Variants in SVEP1 observed in about 807,000 individuals in gnomAD.
SVEP1 encodes sushi, von Willebrand factor type A, EGF and pentraxin domain containing 1.
A neutral mutation model predicts 367.3 loss-of-function variants in SVEP1; 164 were observed. The observed-to-expected ratio is 0.45, with a 90% CI of 0.39 to 0.51. The LOEUF (loss-of-function observed/expected upper bound fraction) is 0.51. Among genes scored for constraint, SVEP1 ranks in the 20% least tolerant of loss-of-function variants. The pLI is 0.00. For missense variants in SVEP1, 4,117 were observed against 4,425.3 expected (o/e 0.93, Z 1.98); for synonymous variants, 1,666 against 1,611.6 (o/e 1.03, Z -0.81).
chr9:110,393,291 T>A (rs541961415), intron 40 of SVEP1, among the ~76,000 whole-genome samples: 1 of 152,322 alleles, frequency 6.6e-6, no homozygotes, highest in African/African-American at 2.4e-5. Flanking sequence ...AAAGAAGATA[T>A]ATATAAGCCT....
At position 110,408,056 on chromosome 9, in the gene SVEP1, T is replaced by C. The variant is rs1588038766; in HGVS notation, c.7544A>G (p.His2515Arg). 8 of 1,613,946 alleles carry C rather than the reference T, an allele frequency of 5.0e-6. No individual in the cohort carries two copies. Among genetic ancestry groups the C allele is most frequent in the Non-Finnish European group, 5.9e-6 (7 of 1,179,872 alleles). ...LNGKFSYTDL[H>R]YGQTVTYSCN... is the part of the protein sequence containing the mutation. ...AGAGTAGGTAACGGTCTGTCCATAG[T>C]GTAGGTCCGTGTAAGAGAATTTGCC... is the stretch of plus-strand genomic sequence containing the variant. The change falls in exon 38 of 48, where the codon CAC (histidine) becomes CGC (arginine). Residue 2515 changes from histidine (H) to arginine (R), a missense_variant. Transcript: ENST00000374469.
chr9:110,570,970 CTTTTTTTTTTT>C (rs374900472), intron 1 of SVEP1, among the ~76,000 whole-genome samples: 3 of 114,928 alleles, frequency 2.6e-5, no homozygotes, highest in Admixed American at 9.0e-5. Context: ...CAGATGGCTC[CTTTTTTTTTTT>C]TTTTTTTTTT....
chr9:110,429,884 A>T lies in SVEP1; in HGVS notation c.5615+36T>A, dbSNP rs376914031. On this transcript the variant is annotated intron_variant, in intron 34 of 47. Coordinates refer to ENST00000374469, the MANE Select transcript of SVEP1 (RefSeq NM_153366.4). ...ATATCACTACCAGTATGCCATCAAC[A>T]TCTTCTACAATATAGTTTTAATCTT... is the stretch of plus-strand genomic sequence containing the variant. The T allele has an allele frequency of 1.3e-4, 198 of 1,572,874 alleles. No homozygotes were observed. The Middle Eastern group carries it at 1.4e-3, about 11-fold the overall frequency.
intron 8 of SVEP1, among the ~76,000 whole-genome samples, chr9:110,492,582 G>C (rs1346773183): frequency 6.6e-6 from 1 of 151,868 alleles, no homozygotes; most frequent in Non-Finnish European, 1.5e-5. Flanking sequence ...TCGCCAGGAG[G>C]CTGACACAGC....
rs768412577 is a variant in SVEP1 at position 110,401,039 on chromosome 9, T to C, written c.9667-30A>G. 11 of 1,610,590 alleles carry C rather than the reference T, an allele frequency of 6.8e-6. No individual in the cohort carries two copies. In the South Asian group the frequency reaches 9.9e-5, roughly 15 times the overall value. On this transcript the variant is annotated intron_variant, in intron 39 of 47. Coordinates refer to ENST00000374469, the MANE Select transcript of SVEP1 (RefSeq NM_153366.4). ...GTGACAAATAACAAAATGTAAGTTA[T>C]GTTTAGAAGTTAATACATATGAATG...
rs1296666969 is a variant in SVEP1, at chr9:110,481,337, T to C, written c.2270A>G (p.Tyr757Cys). 6.2e-7 allele frequency: 1 copy of C among 1,611,608 alleles called. No homozygotes were observed. The highest frequency in any genetic ancestry group is 2.2e-5 in the East Asian group (1 of 44,820). Residue 757 changes from tyrosine (Y) to cysteine (C), a missense_variant, in exon 12 of 48, where the codon TAT becomes TGT. This residue lies in a region of SVEP1 where 2,174 missense variants were observed against 2,494.3 expected (regional missense o/e 0.87). Coordinates refer to ENST00000374469, the MANE Select transcript of SVEP1 (RefSeq NM_153366.4). ...GTCAGTAGACCCTTCTGTGAAATCA[T>C]AGCCCTCCAAGCAAGTTAATGTACA... ...VNCTLTCLEG[Y>C]DFTEGSTDKY...
At chr9:110,508,922 T>A (rs905556922) in intron 5 of SVEP1, among the ~76,000 whole-genome samples, 6 of 152,168 alleles carry the variant, frequency 3.9e-5, no homozygotes, top group African/African-American at 1.4e-4. Flanking sequence ...AACATGATAT[T>A]TGTAAAAGGC....
At chr9:110,528,849 A>G (rs1475165527) in intron 3 of SVEP1, among the ~76,000 whole-genome samples, 1 of 151,568 alleles carries the variant, frequency 6.6e-6, no homozygotes, top group Non-Finnish European at 1.5e-5. Flanking sequence ...TAAAATTTAA[A>G]TTACATTTAT....
At chr9:110,563,392 T>G (rs1830454217) in intron 1 of SVEP1, among the ~76,000 whole-genome samples, 2 of 151,218 alleles carry the variant, frequency 1.3e-5, no homozygotes, top group South Asian at 4.2e-4. Context: ...TTAATTTGTA[T>G]ATTATTTCCA....
chr9:110,461,753 T>C (rs1037141537), intron 18 of SVEP1, among the ~76,000 whole-genome samples: 2 of 152,204 alleles, frequency 1.3e-5, no homozygotes, highest in East Asian at 1.9e-4. Context: ...GAAAATATCA[T>C]AGATTTTTAT....
chr9:110,547,257 G>A (rs10817039), intron 2 of SVEP1, among the ~76,000 whole-genome samples: 17,223 of 152,220 alleles, frequency 0.11, 1,334 homozygotes, highest in East Asian at 0.33. Context: ...AGACTGTGGT[G>A]TGGGTAAAAG....
rs1170817668 is a variant in SVEP1, at chr9:110,411,546, G to T, written c.6165C>A (p.Asp2055Glu). ...YYCSDGYSLA[D>E]NSQLLCNAQG... ...GGGCATTGCAGAGAAGCTGGGAATT[G>T]TCTGCTAGGCTGTAACCATCAGAGC... Residue 2055 changes from aspartate (D) to glutamate (E), a missense_variant, in exon 37 of 48, where the codon GAC (aspartate) becomes GAA (glutamate). Asp to Glu is a conservative substitution (Grantham distance 45, BLOSUM62 2). This residue lies in a region of SVEP1 where 2,174 missense variants were observed against 2,494.3 expected (regional missense o/e 0.87). Coordinates refer to ENST00000374469, the MANE Select transcript of SVEP1 (RefSeq NM_153366.4). 3 of 1,613,912 alleles carry T rather than the reference G, an allele frequency of 1.9e-6. No individual in the cohort carries two copies. Among genetic ancestry groups the T allele is most frequent in the African/African-American group, 2.7e-5 (2 of 74,944 alleles).
rs1827192441 is a variant in SVEP1 at position 110,365,962 on chromosome 9, A to G, written c.*577T>C. Reference sequence around the variant, plus strand: ...GTACCAGGACATAATTATGTGGTGGAGAGTACCAGGTCCAACAGTTACTCT... The same window carrying G: ...GTACCAGGACATAATTATGTGGTGGGGAGTACCAGGTCCAACAGTTACTCT... On this transcript the variant is annotated 3_prime_UTR_variant, in exon 48 of 48. Coordinates refer to ENST00000374469, the MANE Select transcript of SVEP1 (RefSeq NM_153366.4). 2 of 152,232 alleles carry G rather than the reference A, an allele frequency of 1.3e-5. No individual in the cohort carries two copies. The highest frequency in any genetic ancestry group is 1.5e-5 in the Non-Finnish European group (1 of 68,052). 9.4% of individuals were successfully genotyped at this position (152,232 alleles called of 1,614,324 possible). A position where few individuals can be genotyped will look rare whatever the true frequency, so the allele number is the denominator to read the frequency against.
intron 20 of SVEP1, 95 bp from the exon 21 acceptor site, chr9:110,457,447 C>A: frequency 3.2e-6 from 3 of 925,370 alleles, no homozygotes; most frequent in Non-Finnish European, 3.3e-6. Context: ...TTAGACAGCT[C>A]GTTCCTCCTG....
chr9:110,411,822 C>T, intron 36 of SVEP1, 87 bp from the exon 37 acceptor site: 2 of 1,212,246 alleles, frequency 1.6e-6, no homozygotes, highest in Admixed American at 3.2e-5. Flanking sequence ...TAAATCTTTC[C>T]CACAATGACT....
intron 46 of SVEP1, among the ~76,000 whole-genome samples, chr9:110,371,489 C>G (rs1013819474): frequency 7.9e-5 from 12 of 152,164 alleles, no homozygotes; most frequent in Admixed American, 6.6e-5. Flanking sequence ...CTATCTTCAT[C>G]TAAATGCATT....
chr9:110,506,761 G>A (rs564771876), intron 5 of SVEP1, among the ~76,000 whole-genome samples: 1 of 152,136 alleles, frequency 6.6e-6, no homozygotes, highest in South Asian at 2.1e-4. Flanking sequence ...GGAGGGAGGA[G>A]CGTAAAGGAG....
intron 1 of SVEP1, among the ~76,000 whole-genome samples, chr9:110,567,843 C>A (rs921531814): frequency 4.6e-5 from 7 of 152,132 alleles, no homozygotes; most frequent in Non-Finnish European, 1.5e-5. Context: ...TCTGCATCTC[C>A]GCCTGAGGGC....
chr9:110,489,679 G>T lies in SVEP1; in HGVS notation c.1901C>A (p.Ala634Asp). ...AACCTTGATATGGAAAATGCAGCTGGCCTGGTTGCCGGATAGGTCAGTTGC... is the reference window on the plus strand; with the variant it reads ...AACCTTGATATGGAAAATGCAGCTGTCCTGGTTGCCGGATAGGTCAGTTGC... ...YTATDLSGNQ[A>D]SCIFHIKVID... The change falls in exon 9 of 48, where the codon GCC becomes GAC. Residue 634 changes from alanine to aspartate, a missense_variant. Ala to Asp is a moderately radical substitution (Grantham distance 126). Around this residue, in one of 4 missense-constraint regions of SVEP1, gnomAD observed 2,174 missense variants for 2,494.3 expected, o/e 0.87. Transcript: ENST00000374469. 5 of 1,613,262 alleles carry T rather than the reference G, an allele frequency of 3.1e-6. No homozygotes were observed. Among genetic ancestry groups the T allele is most frequent in the South Asian group, 1.1e-5 (1 of 90,976 alleles).
Sources: gnomAD v4.1 joint callset for allele counts (sites outside exome capture counted in the v4.1 genomes callset) on GRCh38, gnomAD v4.1.1 for gene constraint, gnomAD v4.1.1 regional missense constraint, MANE v1.5 for transcripts, NCBI Gene and HGNC (gene_info 2026-07-23, HGNC 2026-07-21) for gene names.